MCM3AP: variants seen among roughly 807,000 people sequenced by gnomAD.
The protein encoded by MCM3AP is minichromosome maintenance complex component 3 associated protein.
MCM3AP carries 126 observed loss-of-function variants against 184.1 expected under a neutral mutation model. The observed-to-expected ratio is 0.68, with a 90% CI of 0.59 to 0.79. The LOEUF (loss-of-function observed/expected upper bound fraction) is 0.79. Among genes scored for constraint, MCM3AP ranks in the 30% least tolerant of loss-of-function variants. The pLI is 0.00. For synonymous variants in MCM3AP, 1,002 were observed against 979.3 expected (o/e 1.02, Z -0.43); for missense variants, 2,496 against 2,479.2 (o/e 1.01, Z -0.14).
chr21:46,239,182 G>A (rs1396612445), intron 26 of MCM3AP, among the ~76,000 whole-genome samples: 2 of 152,330 alleles, frequency 1.3e-5, no homozygotes, highest in Non-Finnish European at 2.9e-5. Flanking sequence ...AGAGGAAATG[G>A]GGGGCAGATC....
intron 4 of MCM3AP, among the ~76,000 whole-genome samples, chr21:46,277,928 A>G (rs2081276799): frequency 6.6e-6 from 1 of 152,214 alleles, no homozygotes; most frequent in Non-Finnish European, 1.5e-5. Flanking sequence ...TAATTTTGAA[A>G]TATTTCATAC....
At chr21:46,235,472 A>G in intron 27 of MCM3AP, 46 bp from the exon 28 acceptor site, 1 of 1,521,064 alleles carries the variant, frequency 6.6e-7, no homozygotes, top group African/African-American at 1.4e-5. Flanking sequence ...ATGTCAATAA[A>G]CCACGACCTA....
intron 25 of MCM3AP, 47 bp from the exon 26 acceptor site, chr21:46,241,064 C>G: frequency 7.4e-7 from 1 of 1,359,348 alleles, no homozygotes; most frequent in East Asian, 2.3e-5. Flanking sequence ...GAAAATATTT[C>G]TACAGCATCA....
intron 20 of MCM3AP, chr21:46,251,221 T>A: frequency 4.9e-6 from 1 of 202,050 alleles, no homozygotes; most frequent in Non-Finnish European, 9.9e-6. Flanking sequence ...ATCATCTTTA[T>A]ACTTCTTTTA....
chr21:46,281,261 A>G (rs1242626097), intron 2 of MCM3AP, among the ~76,000 whole-genome samples: 1 of 152,220 alleles, frequency 6.6e-6, no homozygotes, highest in African/African-American at 2.4e-5. Context: ...AATAACACAC[A>G]TGGGATGCCA....
intron 5 of MCM3AP, among the ~76,000 whole-genome samples, chr21:46,276,258 C>T (rs2081253342): frequency 6.8e-6 from 1 of 147,306 alleles, no homozygotes; most frequent in Non-Finnish European, 1.5e-5. Context: ...AAGACTCCAT[C>T]TCGAGGAAAA....
In MCM3AP at chr21:46,254,400, A is replaced by T. The variant is rs758684900; in HGVS notation, c.4128T>A (p.Ser1376Arg). The stretch of plus-strand genomic sequence containing the variant: ...GGAAAACCCTTCCTGACCTGCCACA[A>T]CTCTCTGGGGACTGCTCCTCTACAT... ...LPDVEEQSPE[S>R]CGRILANWLK... The change falls in exon 19 of 28, where the codon AGT (serine) becomes AGA (arginine). Residue 1376 changes from serine (S) to arginine (R), a missense_variant. Ser to Arg is a moderately radical substitution (Grantham distance 110). This residue lies in a region of MCM3AP where 1,323 missense variants were observed against 1,273.4 expected (regional missense o/e 1.04). Transcript: ENST00000291688. The T allele has an allele frequency of 6.2e-7, 1 of 1,613,900 alleles. No homozygotes were observed. Among genetic ancestry groups the T allele is most frequent in the Non-Finnish European group, 8.5e-7 (1 of 1,179,974 alleles).
At chr21:46,264,255 C>T (rs2081079032) in intron 12 of MCM3AP, 38 bp from the exon 13 acceptor site, 13 of 1,337,012 alleles carry the variant, frequency 9.7e-6, no homozygotes, top group Non-Finnish European at 1.4e-5. Context: ...TGGAACGTCC[C>T]ACCCAGGGCA....
intron 15 of MCM3AP, chr21:46,259,342 G>A (rs2081006731): frequency 3.5e-6 from 1 of 288,064 alleles, no homozygotes; most frequent in Non-Finnish European, 6.4e-6. Flanking sequence ...TGTAGTCCCA[G>A]CTACTCGGGA....
Position 46,246,719 on chromosome 21 carries a change from G to A in MCM3AP, c.4458C>T (p.Leu1486=). Residue 1486 remains leucine, a synonymous_variant, in exon 21 of 28, where the codon CTC becomes CTT. Transcript: ENST00000291688. ...CAGGCTGGAAGGGCTTAGCCTGCAG[G>A]AGCTGCTTGAGCTGCAGCAAGGCCG... is the stretch of plus-strand genomic sequence containing the variant. ...WLSALLQLKQ[L]LQAKPFQPAL... 1 of 1,614,196 alleles carries A rather than the reference G, an allele frequency of 6.2e-7. No individual in the cohort carries two copies. The highest frequency in any genetic ancestry group is 2.2e-5 in the East Asian group (1 of 44,886).
chr21:46,236,880 AAG>A lies in MCM3AP; in HGVS notation c.5731_5732del (p.Leu1911PhefsTer5). 6.4e-7 allele frequency: 1 copy of A among 1,567,492 alleles called. No individual in the cohort carries two copies. The highest frequency in any genetic ancestry group is 8.6e-7 in the Non-Finnish European group (1 of 1,162,380). On this transcript the variant is annotated frameshift_variant, in exon 27 of 28. Transcript: ENST00000291688. LOFTEE classifies it high-confidence loss of function. ...PLYLPQTLVS[L>X]SHTIEPVMKT... Reference sequence around the variant, plus strand: ...TCATCACAGGTTCAATAGTGTGAGAAAGAGACACTAGAGTCTGAGGAAGATAG... The same window carrying A: ...TCATCACAGGTTCAATAGTGTGAGAAAGACACTAGAGTCTGAGGAAGATAG...
chr21:46,266,194 G>T, intron 10 of MCM3AP, 28 bp from the exon 11 acceptor site: 1 of 1,577,336 alleles, frequency 6.3e-7, no homozygotes, highest in Non-Finnish European at 8.6e-7. Flanking sequence ...GACCCCCGAG[G>T]GGTGTCACCA....
rs202103550 is a variant in MCM3AP, at chr21:46,240,931, T to C, written c.5513A>G (p.Glu1838Gly). The change falls in exon 26 of 28, where the codon GAG (glutamate) becomes GGG (glycine). Residue 1838 changes from glutamate (E) to glycine (G), a missense_variant. Coordinates refer to ENST00000291688, the MANE Select transcript of MCM3AP (RefSeq NM_003906.5). The part of the protein sequence containing the change: ...HMHRNWKRST[E>G]CAQEGRIPST... ...GGGAATCCTCCCCTCTTGAGCACAC[T>C]CTGTGCTCCTCTTCCAGTTACGGTG... 4.3e-6 allele frequency: 7 copies of C among 1,613,046 alleles called. No individual in the cohort carries two copies. In the African/African-American group the frequency reaches 8.0e-5, roughly 18 times the overall value.
intron 4 of MCM3AP, among the ~76,000 whole-genome samples, chr21:46,278,881 G>A (rs1203995175): frequency 6.6e-6 from 1 of 150,524 alleles, no homozygotes; most frequent in Non-Finnish European, 1.5e-5. Flanking sequence ...CACCATATCA[G>A]CCAGGATGGT....
intron 22 of MCM3AP, 97 bp from the exon 23 acceptor site, chr21:46,245,294 T>A: frequency 8.7e-7 from 1 of 1,143,868 alleles, no homozygotes; most frequent in Non-Finnish European, 1.2e-6. Context: ...CCACAGCAGG[T>A]AATACCAGAG....
In MCM3AP at chr21:46,246,869, G is replaced by A; in HGVS notation, c.4308C>T (p.Leu1436=). The part of the protein sequence containing the change: ...NVCIKVAHGA[L]SDGAIDAVET... The stretch of plus-strand genomic sequence containing the variant: ...CCACAGCATCAATGGCACCATCACT[G>A]AGGGCGCCATGGGCCACCTGCAACA... The change falls in exon 21 of 28, where the codon CTC becomes CTT. Residue 1436 remains leucine (L), a synonymous_variant. Transcript: ENST00000291688. 1 of 1,613,946 alleles carries A rather than the reference G, an allele frequency of 6.2e-7. No individual in the cohort carries two copies. The highest frequency in any genetic ancestry group is 8.5e-7 in the Non-Finnish European group (1 of 1,179,818).
chr21:46,250,948 G>A (rs1202873691), intron 20 of MCM3AP: 1 of 152,258 alleles, frequency 6.6e-6, no homozygotes, highest in Non-Finnish European at 1.5e-5. Flanking sequence ...CTGGAAACAG[G>A]AGAAAAATGC....
chr21:46,258,379 G>A (rs1399428289), intron 16 of MCM3AP, among the ~76,000 whole-genome samples: 14 of 152,184 alleles, frequency 9.2e-5, no homozygotes, highest in Admixed American at 9.2e-4. Flanking sequence ...ACACCCAGTT[G>A]AGAAGTTGTG....
Position 46,273,591 on chromosome 21 carries a change from G to A in MCM3AP, c.1999-6C>T, listed in dbSNP as rs770351941. 1.9e-6 allele frequency: 3 copies of A among 1,612,950 alleles called. No homozygotes were observed. Among genetic ancestry groups the A allele is most frequent in the East Asian group, 2.2e-5 (1 of 44,838 alleles). On this transcript the variant is annotated splice_region_variant and splice_polypyrimidine_tract_variant and intron_variant, in intron 6 of 27. Transcript: ENST00000291688. ...ACAGCTGCTGCGTGGTCCACCTAGA[G>A]ACATGAAGCCGAGACAGGATGCCCA...
Sources: allele counts gnomAD v4.1 joint callset (sites outside exome capture counted in the v4.1 genomes callset), GRCh38; gene constraint gnomAD v4.1.1; regional missense constraint gnomAD v4.1.1; transcripts MANE v1.5; gene names NCBI Gene and HGNC (gene_info 2026-07-23, HGNC 2026-07-21).